The following FNTA variants were observed in gnomAD, a reference collection of about 807,000 sequenced individuals.
FNTA encodes farnesyltransferase, CAAX box, subunit alpha.
FNTA carries 27 observed loss-of-function variants against 55.2 expected under a neutral mutation model. The observed-to-expected ratio is 0.49, with a 90% CI of 0.36 to 0.67. The LOEUF is 0.67. Among genes scored for constraint, FNTA ranks in the 30% least tolerant of loss-of-function variants. FNTA has a pLI of 0.00. For synonymous variants in FNTA, 176 were observed against 170.7 expected, an observed-to-expected ratio of 1.03 and a Z score of -0.24; for missense variants, 422 against 464.7, an observed-to-expected ratio of 0.91 and a Z score of 0.85.
At chr8:43,073,016 T>G (rs972634314) in intron 5 of FNTA, among the ~76,000 whole-genome samples, 1 of 152,218 alleles carries the variant, frequency 6.6e-6, no homozygotes, top group Non-Finnish European at 1.5e-5. Context: ...TTATGCTAAA[T>G]TCTGAATAGA....
chr8:43,074,559 AC>A (rs1485704662), intron 5 of FNTA, among the ~76,000 whole-genome samples: 75 of 152,186 alleles, frequency 4.9e-4, no homozygotes, highest in African/African-American at 1.8e-3. Flanking sequence ...ATACACACAC[AC>A]ACACACACAC....
In FNTA at chr8:43,072,181, G is replaced by A; in HGVS notation, c.507G>A (p.Trp169Ter). ...IEEQPKNYQV[W>*]HHRRVLVEWL... ...CTTCTCTCCCTTCTTTGGGCTTTAG[G>A]CATCATAGGCGAGTATTAGTGGAAT... The change falls in exon 5 of 9, where the codon TGG (tryptophan) becomes TGA (stop). Residue 169 changes from tryptophan to a stop codon, truncating the protein, a stop_gained and splice_region_variant. Transcript: ENST00000302279. LOFTEE classifies it high-confidence loss of function. 1.3e-6 allele frequency: 2 copies of A among 1,518,568 alleles called. No individual in the cohort carries two copies. Among genetic ancestry groups the A allele is most frequent in the Non-Finnish European group, 1.8e-6 (2 of 1,130,522 alleles). 94.1% of individuals were successfully genotyped at this position (1,518,568 alleles called of 1,614,324 possible).
At chr8:43,065,408 C>T (rs1311709229) in intron 3 of FNTA, among the ~76,000 whole-genome samples, 1 of 151,930 alleles carries the variant, frequency 6.6e-6, no homozygotes, top group Non-Finnish European at 1.5e-5. Flanking sequence ...CCACCACACC[C>T]AGCTAATTTT....
chr8:43,075,643 T>C (rs7819590), intron 5 of FNTA, among the ~76,000 whole-genome samples: 150,744 of 152,106 alleles, frequency 0.99, 74,713 homozygotes, highest in East Asian at 1. Flanking sequence ...TGGTAAAACC[T>C]GGTCTCTACG....
rs776755997 is a variant in FNTA at position 43,085,204 on chromosome 8, A to G, written c.1062A>G (p.Glu354=). 7.6e-6 allele frequency: 12 copies of G among 1,587,868 alleles called. No homozygotes were observed. The East Asian group carries it at 2.5e-4, about 33-fold the overall frequency. The change falls in exon 9 of 9, where the codon GAA becomes GAG. Residue 354 remains glutamate, a synonymous_variant. Coordinates refer to ENST00000302279, the MANE Select transcript of FNTA (RefSeq NM_002027.3). ...AAGAAAAGGACACTATAAGAAAGGA[A>G]TATTGGAGATACATTGGAAGATCCC... is the stretch of plus-strand genomic sequence containing the variant. ...LAKEKDTIRK[E]YWRYIGRSLQ... is the part of the protein sequence containing the mutation.
chr8:43,061,923 T>A (rs1175182928), intron 2 of FNTA, among the ~76,000 whole-genome samples: 1 of 152,164 alleles, frequency 6.6e-6, no homozygotes, highest in Non-Finnish European at 1.5e-5. Flanking sequence ...TTCTCCATGT[T>A]GGTTAGGCTG....
chr8:43,084,470 CCT>C (rs1811087383), intron 7 of FNTA, among the ~76,000 whole-genome samples: 1 of 152,152 alleles, frequency 6.6e-6, no homozygotes, highest in South Asian at 2.1e-4. Context: ...GTTCCTCCTG[CCT>C]CTGTTTCCCA....
intron 5 of FNTA, chr8:43,073,439 T>C (rs1426226277): frequency 3.9e-5 from 6 of 152,180 alleles, no homozygotes; most frequent in African/African-American, 1.4e-4. Flanking sequence ...CTTATGCATT[T>C]CTATTTATTT....
At chr8:43,063,195 C>A (rs1162582474) in intron 2 of FNTA, 3 of 451,676 alleles carry the variant, frequency 6.6e-6, no homozygotes, top group African/African-American at 6.0e-5. Context: ...ATCCTCCTAC[C>A]TCTGCCTCCC....
intron 5 of FNTA, 92 bp downstream of exon 5, chr8:43,072,399 A>G: frequency 1.1e-6 from 1 of 892,448 alleles, no homozygotes; most frequent in Non-Finnish European, 1.6e-6. Context: ...ACCAAAACAC[A>G]CACATACGTA....
intron 4 of FNTA, among the ~76,000 whole-genome samples, chr8:43,071,709 A>C (rs1235506809): frequency 1.3e-5 from 2 of 149,046 alleles, no homozygotes; most frequent in Non-Finnish European, 3.0e-5. Flanking sequence ...AAAAAAAAAA[A>C]AACAAAAAAA....
Position 43,059,163 on chromosome 8 carries a change from T to C in FNTA, c.272T>C (p.Ile91Thr). 1 of 1,611,138 alleles carries C rather than the reference T, an allele frequency of 6.2e-7. No homozygotes were observed. Among genetic ancestry groups the C allele is most frequent in the Non-Finnish European group, 8.5e-7 (1 of 1,178,556 alleles). Reference sequence around the variant, plus strand: ...GGCCCCAATCCCGTGGTCCAGATCATTTATAGTGACAAATGTAAGTTTGTT... The same window carrying C: ...GGCCCCAATCCCGTGGTCCAGATCACTTATAGTGACAAATGTAAGTTTGTT... Reference protein sequence around the residue: ...NDGPNPVVQIIYSDKFRDVYD... With the variant: ...NDGPNPVVQITYSDKFRDVYD... Residue 91 changes from isoleucine to threonine, a missense_variant, in exon 2 of 9, where the codon ATT (isoleucine) becomes ACT (threonine). Coordinates refer to ENST00000302279, the MANE Select transcript of FNTA (RefSeq NM_002027.3).
In FNTA at chr8:43,072,098, T is replaced by C. The variant is rs1810806032; in HGVS notation, c.507-83T>C. ...TTTTTGTTTATTGTGTGTCCTTTCATGTCACCTTTACAACATGTGCAACTG... is the reference window on the plus strand; with the variant it reads ...TTTTTGTTTATTGTGTGTCCTTTCACGTCACCTTTACAACATGTGCAACTG... On this transcript the variant is annotated intron_variant, in intron 4 of 8. Transcript: ENST00000302279. 5.5e-6 allele frequency: 6 copies of C among 1,090,692 alleles called. 1 individual carries two copies. The highest frequency in any genetic ancestry group is 7.4e-6 in the Non-Finnish European group (6 of 807,746). 67.6% of individuals were successfully genotyped at this position (1,090,692 alleles called of 1,614,324 possible).
chr8:43,069,793 C>T (rs1288163232), intron 4 of FNTA, 134 bp downstream of exon 4: 11 of 603,934 alleles, frequency 1.8e-5, no homozygotes, highest in Middle Eastern at 4.5e-4. Flanking sequence ...TACAGGTGCA[C>T]GCAACCACAC....
At chr8:43,065,817 A>T (rs1200612621) in intron 3 of FNTA, among the ~76,000 whole-genome samples, 1 of 151,444 alleles carries the variant, frequency 6.6e-6, no homozygotes, top group African/African-American at 2.5e-5. Flanking sequence ...TATAGAGCAC[A>T]TCATTGAGTA....
chr8:43,078,558 T>C (rs1810960345), intron 6 of FNTA: 1 of 152,202 alleles, frequency 6.6e-6, no homozygotes, highest in South Asian at 2.1e-4. Flanking sequence ...TGTAATTGTT[T>C]GGGGGTGCCA....
In FNTA at chr8:43,056,481, A is replaced by T. The variant is rs572567584; in HGVS notation, c.135A>T (p.Glu45Asp). 1 of 1,572,370 alleles carries T rather than the reference A, an allele frequency of 6.4e-7. No homozygotes were observed. The highest frequency in any genetic ancestry group is 1.4e-5 in the African/African-American group (1 of 71,364). Reference protein sequence around the residue: ...HKEEMAAEAGEAVASPMDDGF... With the variant: ...HKEEMAAEAGDAVASPMDDGF... ...AAGAGATGGCGGCCGAGGCTGGGGA[A>T]GCCGTGGCGTCCCCCATGGACGACG... The change falls in exon 1 of 9, where the codon GAA becomes GAT. Residue 45 changes from glutamate (E) to aspartate (D), a missense_variant. This residue lies in a region of FNTA where 160 missense variants were observed against 121.6 expected (regional missense o/e 1.32). Coordinates refer to ENST00000302279, the MANE Select transcript of FNTA (RefSeq NM_002027.3).
chr8:43,059,390 A>G (rs1046212915), intron 2 of FNTA, among the ~76,000 whole-genome samples: 4 of 152,228 alleles, frequency 2.6e-5, no homozygotes, highest in African/African-American at 9.7e-5. Context: ...CATATTCTAA[A>G]TAATAAACGT....
intron 6 of FNTA, chr8:43,082,800 C>G (rs1432138649): frequency 1.1e-5 from 2 of 182,546 alleles, no homozygotes; most frequent in Non-Finnish European, 2.3e-5. Context: ...ATAATCCCAG[C>G]ACTTTGGGAG....
Sources: gnomAD v4.1 joint callset for allele counts (sites outside exome capture counted in the v4.1 genomes callset) on GRCh38, gnomAD v4.1.1 for gene constraint, gnomAD v4.1.1 regional missense constraint, MANE v1.5 for transcripts, NCBI Gene and HGNC (gene_info 2026-07-23, HGNC 2026-07-21) for gene names.